SENP7: variants seen among roughly 807,000 people sequenced by gnomAD.
SENP7 encodes the protein sentrin-specific protease 7.
A neutral mutation model predicts 141.2 loss-of-function variants in SENP7; 64 were observed. The ratio of observed to expected loss-of-function variants is 0.45; its 90% CI spans 0.37 to 0.56. The LOEUF is 0.56. SENP7 is among the 20% of genes least tolerant of loss of function. The pLI, the probability that SENP7 is intolerant of heterozygous loss-of-function variation, is 0.00. For missense variants in SENP7, 1,025 were observed against 1,212.2 expected (o/e 0.85, Z 2.29); for synonymous variants, 382 against 426.4 (o/e 0.90, Z 1.28).
At chr3:101,442,581 G>C (rs62280727) in intron 4 of SENP7, among the ~76,000 whole-genome samples, 2 of 152,204 alleles carry the variant, frequency 1.3e-5, no homozygotes, top group African/African-American at 2.4e-5. Context: ...GGCTCCAGGG[G>C]TTGGGGATCC....
In SENP7 at chr3:101,347,718, T is replaced by C. The variant is rs578241838; in HGVS notation, c.1837+154A>G. ...GCCTGGGTGACAAAGCGAGACTCCA[T>C]CTCAAAAAAAAAAAAAAAAAGAAAC... On this transcript the variant is annotated intron_variant, in intron 13 of 23. Transcript: ENST00000394095. The C allele has an allele frequency of 2.7e-3, 1,026 of 381,350 alleles. 7 individuals are homozygous for C. Among genetic ancestry groups the C allele is most frequent in the Admixed American group, 3.8e-3 (59 of 15,440 alleles). The allele number at this position is 381,350 out of a possible 1,614,324, so 23.6% of individuals were successfully genotyped here. A position where few individuals can be genotyped will look rare whatever the true frequency, so the allele number is the denominator to read the frequency against.
In SENP7 at chr3:101,504,137, T is replaced by C. The variant is rs918077158; in HGVS notation, c.41-3018A>G. Among the ~76,000 whole-genome samples the C allele has an allele frequency of 3.3e-5, 5 of 152,090 alleles. No individual in the cohort carries two copies. In the East Asian group the frequency reaches 9.7e-4, roughly 30 times the overall value. On this transcript the variant is annotated intron_variant, in intron 1 of 23. Transcript: ENST00000394095. The stretch of plus-strand genomic sequence containing the variant: ...TACATGCACTTGCTGAGAAACCATG[T>C]AATGTTTTCCTGATCTAAAAAATTA...
At chr3:101,374,790 T>C (rs1488091621) in intron 6 of SENP7, among the ~76,000 whole-genome samples, 3 of 121,030 alleles carry the variant, frequency 2.5e-5, no homozygotes, top group Non-Finnish European at 3.6e-5. Context: ...AAAAAAAAAA[T>C]CAAAAATTTT....
intron 4 of SENP7, among the ~76,000 whole-genome samples, chr3:101,437,656 CTA>C (rs1169427378): frequency 6.6e-6 from 1 of 151,988 alleles, no homozygotes; most frequent in East Asian, 1.9e-4. Context: ...CTACAGTGAG[CTA>C]TGTGATCACA....
chr3:101,420,677 T>G (rs2061766561), intron 4 of SENP7, among the ~76,000 whole-genome samples: 1 of 152,160 alleles, frequency 6.6e-6, no homozygotes, highest in Non-Finnish European at 1.5e-5. Flanking sequence ...AACCAGAAAT[T>G]ATGTTACCCC....
chr3:101,507,829 C>T (rs1232386726), intron 1 of SENP7, among the ~76,000 whole-genome samples: 1 of 151,274 alleles, frequency 6.6e-6, no homozygotes, highest in Non-Finnish European at 1.5e-5. Context: ...GGCAGGTGGA[C>T]CATGATATCA....
chr3:101,497,660 T>C (rs1190854394), intron 2 of SENP7, among the ~76,000 whole-genome samples: 1 of 152,190 alleles, frequency 6.6e-6, no homozygotes, highest in Non-Finnish European at 1.5e-5. Flanking sequence ...TGAGTCCATA[T>C]TGATACAAAT....
chr3:101,503,326 C>T (rs887936669), intron 1 of SENP7, among the ~76,000 whole-genome samples: 2 of 152,202 alleles, frequency 1.3e-5, no homozygotes, highest in Non-Finnish European at 2.9e-5. Context: ...ATCTGCTTCA[C>T]CAGCATCTAC....
At chr3:101,333,954 A>T (rs1576809656) in intron 17 of SENP7, among the ~76,000 whole-genome samples, 1 of 152,336 alleles carries the variant, frequency 6.6e-6, no homozygotes, top group East Asian at 1.9e-4. Context: ...GTTCCTCCTC[A>T]GACCGTCAGG....
chr3:101,397,752 A>G (rs2061010875), intron 6 of SENP7, among the ~76,000 whole-genome samples: 1 of 152,200 alleles, frequency 6.6e-6, no homozygotes, highest in Non-Finnish European at 1.5e-5. Flanking sequence ...ACCAGAAGTT[A>G]GCTTTGGATA....
At chr3:101,375,693 C>A (rs2060309059) in intron 6 of SENP7, among the ~76,000 whole-genome samples, 1 of 151,636 alleles carries the variant, frequency 6.6e-6, no homozygotes, top group Non-Finnish European at 1.5e-5. Flanking sequence ...ACACTATTCA[C>A]AATAGCCAAA....
chr3:101,405,509 T>C (rs1246405610), intron 5 of SENP7, among the ~76,000 whole-genome samples: 4 of 152,056 alleles, frequency 2.6e-5, no homozygotes, highest in African/African-American at 7.2e-5. Flanking sequence ...TCTGGTAATA[T>C]GACAAAATAA....
At chr3:101,483,926 ACTGTG>A (rs2064613886) in intron 3 of SENP7, among the ~76,000 whole-genome samples, 1 of 152,046 alleles carries the variant, frequency 6.6e-6, no homozygotes, top group Non-Finnish European at 1.5e-5. Flanking sequence ...TACTCAGAAG[ACTGTG>A]GCATGAGATT....
At chr3:101,397,136 C>G (rs1239492921) in intron 6 of SENP7, among the ~76,000 whole-genome samples, 1 of 151,854 alleles carries the variant, frequency 6.6e-6, no homozygotes, top group Admixed American at 6.6e-5. Flanking sequence ...AGCCACCATA[C>G]CCGGCTGTTG....
At chr3:101,486,533 G>A (rs1038048233) in intron 3 of SENP7, among the ~76,000 whole-genome samples, 4 of 152,188 alleles carry the variant, frequency 2.6e-5, no homozygotes, top group African/African-American at 9.6e-5. Flanking sequence ...GAAAGATACA[G>A]TTGTTTTCAG....
intron 3 of SENP7, among the ~76,000 whole-genome samples, chr3:101,464,559 T>C (rs2063697902): frequency 6.6e-6 from 1 of 152,002 alleles, no homozygotes; most frequent in African/African-American, 2.4e-5. Context: ...ATCTAATGAC[T>C]GATGATCTGT....
At chr3:101,353,134 C>G (rs531504469) in intron 11 of SENP7, among the ~76,000 whole-genome samples, 17 of 152,086 alleles carry the variant, frequency 1.1e-4, no homozygotes, top group South Asian at 1.0e-3. Context: ...ATTATTGTTA[C>G]TTTCATATAA....
rs189357266 is a variant in SENP7 at position 101,511,707 on chromosome 3, T to C, written c.40+1384A>G. ...AGGTTTTCAACTGCTTCAAGCAGTG[T>C]CCCCAGAGATCCATAATCACTCTCC... is the stretch of plus-strand genomic sequence containing the variant. On this transcript the variant is annotated intron_variant, in intron 1 of 23. Coordinates refer to ENST00000394095, the MANE Select transcript of SENP7 (RefSeq NM_020654.5). 2.3e-4 allele frequency among the ~76,000 whole-genome samples: 35 copies of C among 152,360 alleles called. No homozygotes were observed. The East Asian group carries it at 6.7e-3, about 29-fold the overall frequency.
rs370991567 is a variant in SENP7, at chr3:101,339,122, TA to T, written c.2357+972del. Among the ~76,000 whole-genome samples, 920 of 152,260 alleles carry T rather than the reference TA, an allele frequency of 6.0e-3. 6 individuals carry two copies. Among genetic ancestry groups the T allele is most frequent in the African/African-American group, 0.021 (886 of 41,548 alleles). Reference sequence around the variant, plus strand: ...TGTTCAAAAAGAAACATGGAAGATATAAAAAAGACCCACATTTAATTCCTAG... The same window carrying T: ...TGTTCAAAAAGAAACATGGAAGATATAAAAAGACCCACATTTAATTCCTAG... On this transcript the variant is annotated intron_variant, in intron 16 of 23. Transcript: ENST00000394095.
Sources: allele counts gnomAD v4.1 joint callset (sites outside exome capture counted in the v4.1 genomes callset), GRCh38; gene constraint gnomAD v4.1.1; transcripts MANE v1.5; gene names NCBI Gene and HGNC (gene_info 2026-07-23, HGNC 2026-07-21).